The following PRIM2 variants were observed in gnomAD, a reference collection of about 807,000 sequenced individuals.
PRIM2 encodes the protein DNA primase subunit 2.
A neutral mutation model predicts 67.3 loss-of-function variants in PRIM2; 39 were observed. That is an observed-to-expected ratio of 0.58 (90% CI 0.45 to 0.76). The LOEUF is 0.76. Among genes scored for constraint, PRIM2 ranks in the 30% least tolerant of loss-of-function variants. PRIM2 has a pLI of 0.00. For missense variants in PRIM2, 398 were observed against 598.7 expected (o/e 0.66, Z 3.50); for synonymous variants, 143 against 198.7 (o/e 0.72, Z 2.36).
At chr6:57,291,596 A>G in the PRIM2 span, among the ~76,000 whole-genome samples, 17 of 152,330 alleles carry the variant, frequency 1.1e-4, no homozygotes, top group African/African-American at 3.8e-4. Flanking sequence ...GAAAATCCTC[A>G]ATAAAATAGT....
At chr6:57,529,313 C>CAAA (rs1188542393) in intron 8 of PRIM2, among the ~76,000 whole-genome samples, 1 of 125,864 alleles carries the variant, frequency 7.9e-6, no homozygotes, top group African/African-American at 3.0e-5. Flanking sequence ...GACTCCGTCT[C>CAAA]AAAAAAAAAA....
intron 13 of PRIM2, among the ~76,000 whole-genome samples, chr6:57,638,853 C>T (rs1171903621): frequency 6.6e-6 from 1 of 152,082 alleles, no homozygotes; most frequent in Non-Finnish European, 1.5e-5. Flanking sequence ...ATCAACGAGA[C>T]AGAAAATTAA....
chr6:57,241,809 A>G, the PRIM2 span, among the ~76,000 whole-genome samples: 1 of 149,282 alleles, frequency 6.7e-6, no homozygotes, highest in Non-Finnish European at 1.5e-5. Flanking sequence ...AGTAGCTGGG[A>G]CTACAGGCGC....
chr6:57,629,329 A>C (rs1271817442), intron 12 of PRIM2, among the ~76,000 whole-genome samples: 1 of 152,184 alleles, frequency 6.6e-6, no homozygotes, highest in Non-Finnish European at 1.5e-5. Context: ...CTGTTTGTTA[A>C]TCATATTGTT....
chr6:57,439,750 T>A lies in PRIM2; in HGVS notation c.693+57582T>A, dbSNP rs563654500. ...TTTTTAATGTTAAACTTAGGTAAAA[T>A]ATGTTATTTCAGATTATGTAAAATA... is the stretch of plus-strand genomic sequence containing the variant. On this transcript the variant is annotated intron_variant, in intron 7 of 13. Transcript: ENST00000615550. Among the ~76,000 whole-genome samples, 3 of 152,182 alleles carry A rather than the reference T, an allele frequency of 2.0e-5. No individual in the cohort carries two copies. The South Asian group carries it at 6.2e-4, about 32-fold the overall frequency.
chr6:57,262,322 C>T, the PRIM2 span, among the ~76,000 whole-genome samples: 1 of 151,578 alleles, frequency 6.6e-6, no homozygotes, highest in Admixed American at 6.6e-5. Flanking sequence ...TGCCAGTTGT[C>T]TTTTTTTTTA....
chr6:57,601,518 C>T (rs1361273328), intron 11 of PRIM2, among the ~76,000 whole-genome samples: 2 of 152,252 alleles, frequency 1.3e-5, no homozygotes, highest in East Asian at 1.9e-4. Context: ...CAGTGTTCTG[C>T]GAGTGTCTTA....
At chr6:57,541,631 T>C (rs1438286591) in intron 10 of PRIM2, among the ~76,000 whole-genome samples, 2 of 152,124 alleles carry the variant, frequency 1.3e-5, no homozygotes, top group East Asian at 1.9e-4. Flanking sequence ...AATCTCTGCA[T>C]TGTTCAAGGG....
At chr6:57,603,834 T>C (rs1388963009) in intron 11 of PRIM2, among the ~76,000 whole-genome samples, 4 of 151,976 alleles carry the variant, frequency 2.6e-5, no homozygotes, top group Non-Finnish European at 5.9e-5. Flanking sequence ...TTTTCCTGTT[T>C]GTGTTGTCTC....
At chr6:57,313,218 C>G (rs1005429830), upstream of PRIM2, among the ~76,000 whole-genome samples, 1 of 152,188 alleles carries the variant, frequency 6.6e-6, no homozygotes, top group African/African-American at 2.4e-5. Flanking sequence ...GCTATCTTTT[C>G]TAAAATTTCA....
At chr6:57,640,793 G>A (rs1777217535) in intron 13 of PRIM2, among the ~76,000 whole-genome samples, 1 of 152,106 alleles carries the variant, frequency 6.6e-6, no homozygotes, top group Non-Finnish European at 1.5e-5. Flanking sequence ...CGTGAAAATG[G>A]CCGTAATGCG....
the PRIM2 span, among the ~76,000 whole-genome samples, chr6:57,290,251 A>G: frequency 1.3e-5 from 2 of 152,214 alleles, no homozygotes; most frequent in African/African-American, 2.4e-5. Flanking sequence ...ATCAAAAGAG[A>G]CAAAGAAGGC....
chr6:57,307,121 C>T, the PRIM2 span, among the ~76,000 whole-genome samples: 2 of 151,762 alleles, frequency 1.3e-5, no homozygotes, highest in Non-Finnish European at 2.9e-5. Flanking sequence ...ATCACTTGAA[C>T]TCAGGAGGCA....
chr6:57,479,911 C>T (rs1235318483), intron 7 of PRIM2, among the ~76,000 whole-genome samples: 3 of 152,030 alleles, frequency 2.0e-5, no homozygotes, highest in East Asian at 1.9e-4. Flanking sequence ...AGGCAGAATA[C>T]GATAATTTAC....
intron 7 of PRIM2, among the ~76,000 whole-genome samples, chr6:57,419,098 C>A (rs1771376923): frequency 6.6e-6 from 1 of 152,060 alleles, no homozygotes; most frequent in Non-Finnish European, 1.5e-5. Context: ...ACAAGGGGAA[C>A]TTTGGTGTAG....
intron 8 of PRIM2, among the ~76,000 whole-genome samples, chr6:57,515,879 T>C (rs1774477470): frequency 6.6e-6 from 1 of 152,198 alleles, no homozygotes; most frequent in Non-Finnish European, 1.5e-5. Flanking sequence ...CAGCAAGGCT[T>C]TTATATTCCT....
intron 7 of PRIM2, among the ~76,000 whole-genome samples, chr6:57,441,258 A>G (rs1345255232): frequency 6.6e-6 from 1 of 152,196 alleles, no homozygotes; most frequent in African/African-American, 2.4e-5. Flanking sequence ...TCTCTTGTCT[A>G]TGACTTGTTC....
intron 7 of PRIM2, among the ~76,000 whole-genome samples, chr6:57,402,963 G>A (rs1770762151): frequency 6.6e-6 from 1 of 151,936 alleles, no homozygotes; most frequent in African/African-American, 2.4e-5. Context: ...TAGCAATAGG[G>A]ATATGAAACA....
At chr6:57,335,194 C>A (rs546608710) in intron 5 of PRIM2, among the ~76,000 whole-genome samples, 69 of 151,220 alleles carry the variant, frequency 4.6e-4, no homozygotes, top group African/African-American at 7.5e-4. Flanking sequence ...TATCCCGCAC[C>A]TGGCTCGGAG....
Sources: allele counts gnomAD v4.1 joint callset (sites outside exome capture counted in the v4.1 genomes callset), GRCh38; gene constraint gnomAD v4.1.1; transcripts MANE v1.5; gene names NCBI Gene and HGNC (gene_info 2026-07-23, HGNC 2026-07-21).